The following CLDN10 variants were observed in gnomAD, a reference collection of about 807,000 sequenced individuals.
CLDN10 encodes claudin 10.
CLDN10 carries 15 observed loss-of-function variants against 22.9 expected under a neutral mutation model. That is an observed-to-expected ratio of 0.65 (90% CI 0.44 to 1.01). The LOEUF is 1.01. Among genes scored for constraint, CLDN10 ranks in the 50% least tolerant of loss-of-function variants. CLDN10 has a pLI of 0.00. For synonymous variants in CLDN10, 114 were observed against 111.4 expected (o/e 1.02, Z -0.15); for missense variants, 247 against 287.8 (o/e 0.86, Z 1.03).
rs1293528638 is a variant in CLDN10 at position 95,577,291 on chromosome 13, T to C, written c.525T>C (p.Gly175=). The change falls in exon 4 of 5, where the codon GGT becomes GGC. Residue 175 remains glycine (G), a synonymous_variant. Transcript: ENST00000299339. The stretch of plus-strand genomic sequence containing the variant: ...CAGGAGCCTCACTGTGCATAATTGG[T>C]GGTGTCATATTTTGCTTTTCAATAT... The part of the protein sequence containing the change: ...GWAGASLCII[G]GVIFCFSISD... The C allele has an allele frequency of 6.2e-7, 1 of 1,614,048 alleles. No homozygotes were observed. The highest frequency in any genetic ancestry group is 2.2e-5 in the East Asian group (1 of 44,886).
intron 1 of CLDN10, among the ~76,000 whole-genome samples, chr13:95,519,889 T>A (rs1196048915): frequency 1.3e-5 from 2 of 152,126 alleles, no homozygotes; most frequent in Non-Finnish European, 2.9e-5. Flanking sequence ...GATTCAGACA[T>A]GAAAATCATC....
intron 1 of CLDN10, among the ~76,000 whole-genome samples, chr13:95,524,487 T>A (rs1322732118): frequency 2.0e-5 from 3 of 152,242 alleles, no homozygotes; most frequent in African/African-American, 4.8e-5. Context: ...AGCATGTAAT[T>A]TCATTCCCTT....
chr13:95,506,230 A>G (rs989170076), intron 1 of CLDN10, among the ~76,000 whole-genome samples: 1 of 152,068 alleles, frequency 6.6e-6, no homozygotes, highest in Non-Finnish European at 1.5e-5. Flanking sequence ...TCTACACGAG[A>G]GCCCTGCCAA....
At chr13:95,535,900 A>G (rs1443427558) in intron 1 of CLDN10, among the ~76,000 whole-genome samples, 1 of 152,188 alleles carries the variant, frequency 6.6e-6, no homozygotes, top group Non-Finnish European at 1.5e-5. Flanking sequence ...CTGAGCAACT[A>G]TGAAAAAGGT....
intron 1 of CLDN10, among the ~76,000 whole-genome samples, chr13:95,482,842 G>A (rs2138498615): frequency 6.6e-6 from 1 of 152,254 alleles, no homozygotes; most frequent in Admixed American, 6.5e-5. Context: ...AGCTTGGCAT[G>A]GTGGCGTGTG....
intron 1 of CLDN10, among the ~76,000 whole-genome samples, chr13:95,473,598 A>T (rs1257170019): frequency 6.6e-6 from 1 of 152,202 alleles, no homozygotes; most frequent in Non-Finnish European, 1.5e-5. Flanking sequence ...CACGTGCCTT[A>T]TTCAGCTGAC....
Position 95,545,026 on chromosome 13 carries a change from C to T in CLDN10, c.215-15106C>T, listed in dbSNP as rs556530743. On this transcript the variant is annotated intron_variant, in intron 1 of 4. Coordinates refer to the CLDN10 transcript ENST00000376873. Reference sequence around the variant, plus strand: ...CTCCTGACCTCAGGTGATCCACCTGCCTCAGCCTCCCAAAGGGCTAGGGTT... The same window carrying T: ...CTCCTGACCTCAGGTGATCCACCTGTCTCAGCCTCCCAAAGGGCTAGGGTT... 1.4e-3 allele frequency among the ~76,000 whole-genome samples: 207 copies of T among 152,030 alleles called. 2 individuals carry two copies. The highest frequency in any genetic ancestry group is 4.7e-3 in the African/African-American group (197 of 41,508).
At chr13:95,477,827 C>T (rs1240620510) in intron 1 of CLDN10, among the ~76,000 whole-genome samples, 1 of 152,150 alleles carries the variant, frequency 6.6e-6, no homozygotes, top group Admixed American at 6.5e-5. Flanking sequence ...GTACTGGCAT[C>T]AGCTGCAGAC....
intron 3 of CLDN10, among the ~76,000 whole-genome samples, chr13:95,562,120 C>G (rs2043721934): frequency 6.7e-6 from 1 of 150,370 alleles, no homozygotes; most frequent in African/African-American, 2.5e-5. Flanking sequence ...TTAGTAGGGA[C>G]AGGGCTTCAC....
intron 3 of CLDN10, among the ~76,000 whole-genome samples, chr13:95,569,105 T>C (rs2138674463): frequency 6.6e-6 from 1 of 152,370 alleles, no homozygotes; most frequent in Non-Finnish European, 1.5e-5. Flanking sequence ...TGCTAGCTAC[T>C]ATTTTTAGGG....
At chr13:95,568,326 G>A (rs2043810725) in intron 3 of CLDN10, among the ~76,000 whole-genome samples, 1 of 152,112 alleles carries the variant, frequency 6.6e-6, no homozygotes, top group African/African-American at 2.4e-5. Context: ...AAATAGTGCA[G>A]GCCACCTCAG....
At chr13:95,464,439 T>C in intron 1 of CLDN10, among the ~76,000 whole-genome samples, 1 of 152,206 alleles carries the variant, frequency 6.6e-6, no homozygotes. Context: ...ACTCATCATT[T>C]TTTATAGCTG....
intron 1 of CLDN10, among the ~76,000 whole-genome samples, chr13:95,531,243 T>C (rs1403779838): frequency 6.6e-6 from 1 of 152,164 alleles, no homozygotes; most frequent in East Asian, 1.9e-4. Flanking sequence ...AATAACAAAA[T>C]ATGGTAGACT....
chr13:95,450,811 A>G (rs2042425485), intron 1 of CLDN10, among the ~76,000 whole-genome samples: 1 of 152,230 alleles, frequency 6.6e-6, no homozygotes, highest in Non-Finnish European at 1.5e-5. Flanking sequence ...TTGTGATCAA[A>G]TAGTAAAAAG....
At chr13:95,528,823 A>C (rs7981330) in intron 1 of CLDN10, among the ~76,000 whole-genome samples, 67,710 of 152,014 alleles carry the variant, frequency 0.45, 16,133 homozygotes, top group East Asian at 0.58. Flanking sequence ...GTTGGCAAGA[A>C]AAAAAGTTTA....
chr13:95,492,474 A>G (rs557128639), intron 1 of CLDN10, among the ~76,000 whole-genome samples: 1 of 152,218 alleles, frequency 6.6e-6, no homozygotes, highest in East Asian at 1.9e-4. Flanking sequence ...GGCCTCACCC[A>G]GCTCCCACAG....
intron 1 of CLDN10, among the ~76,000 whole-genome samples, chr13:95,528,006 AG>A (rs1182761502): frequency 2.0e-5 from 3 of 152,188 alleles, no homozygotes; most frequent in Non-Finnish European, 4.4e-5. Context: ...GTGATCTGAC[AG>A]CATGTTTTCT....
intron 1 of CLDN10, among the ~76,000 whole-genome samples, chr13:95,503,972 A>G (rs540017233): frequency 1.3e-5 from 2 of 152,348 alleles, no homozygotes; most frequent in African/African-American, 4.8e-5. Context: ...TTACAATAAT[A>G]AATTTTATGT....
intron 1 of CLDN10, among the ~76,000 whole-genome samples, chr13:95,445,155 C>A (rs1216595225): frequency 6.6e-6 from 1 of 152,210 alleles, no homozygotes. Flanking sequence ...AATTTGCATA[C>A]AGCATCTAGA....
Sources: allele counts gnomAD v4.1 joint callset (sites outside exome capture counted in the v4.1 genomes callset), GRCh38; gene constraint gnomAD v4.1.1; transcripts MANE v1.5; gene names NCBI Gene and HGNC (gene_info 2026-07-23, HGNC 2026-07-21).